Variants in NEO1 observed in about 807,000 individuals in gnomAD.
The protein encoded by NEO1 is neogenin 1, also known as neogenin.
In NEO1, 63 loss-of-function variants were observed where a neutral mutation model predicts 159.7. That is an observed-to-expected ratio of 0.39 (90% CI 0.32 to 0.49). The LOEUF (loss-of-function observed/expected upper bound fraction) is 0.49. Among genes scored for constraint, NEO1 ranks in the 20% least tolerant of loss-of-function variants. The probability of loss-of-function intolerance (pLI) is 0.85; values close to 1 mark genes in which losing one functional copy is unlikely to be tolerated. For synonymous variants in NEO1, 633 were observed against 662.0 expected (o/e 0.96, Z 0.67); for missense variants, 1,615 against 1,831.0 (o/e 0.88, Z 2.15).
At chr15:73,292,600 A>G (rs2151145107) in intron 25 of NEO1, among the ~76,000 whole-genome samples, 1 of 152,354 alleles carries the variant, frequency 6.6e-6, no homozygotes, top group African/African-American at 2.4e-5. Context: ...AGAAAGTAGT[A>G]TGTGAAATCT....
chr15:73,115,801 A>G (rs1226322621), intron 1 of NEO1, among the ~76,000 whole-genome samples: 1 of 152,214 alleles, frequency 6.6e-6, no homozygotes, highest in East Asian at 1.9e-4. Flanking sequence ...CAAAGAACTG[A>G]CAGGGACTTA....
chr15:73,278,132 C>G lies in NEO1; in HGVS notation c.3195C>G (p.Ala1065=). The change falls in exon 22 of 29, where the codon GCC becomes GCG. Residue 1065 remains alanine (A), a splice_region_variant and synonymous_variant. Coordinates refer to ENST00000261908, the MANE Select transcript of NEO1 (RefSeq NM_002499.4). ...DSSDKMPNDQ[A]SGSGGKGSRL... ...TTGACATGATTTCTTCTCCTTTAGC[C>G]TCAGGGTCTGGAGGGAAAGGAAGCC... 6.2e-7 allele frequency: 1 copy of G among 1,611,484 alleles called. No homozygotes were observed. Among genetic ancestry groups the G allele is most frequent in the Non-Finnish European group, 8.5e-7 (1 of 1,177,976 alleles).
chr15:73,286,362 T>G (rs2041948624), intron 23 of NEO1, among the ~76,000 whole-genome samples: 1 of 152,260 alleles, frequency 6.6e-6, no homozygotes, highest in South Asian at 2.1e-4. Context: ...AAACATTTTC[T>G]TCTTTTGTAT....
chr15:73,076,454 A>G (rs2151349551), intron 1 of NEO1, among the ~76,000 whole-genome samples: 1 of 152,264 alleles, frequency 6.6e-6, no homozygotes, highest in East Asian at 1.9e-4. Context: ...AATGAATGCT[A>G]CTTACTATTT....
In NEO1 at chr15:73,295,142, ATG is replaced by A. The variant is rs1219391399; in HGVS notation, c.3901+1596_3901+1597del. Among the ~76,000 whole-genome samples, 13 of 143,506 alleles carry A rather than the reference ATG, an allele frequency of 9.1e-5. 1 individual carries two copies. Among genetic ancestry groups the A allele is most frequent in the East Asian group, 6.4e-4 (3 of 4,672 alleles). 94.1% of individuals were successfully genotyped at this position (143,506 alleles called of 152,430 possible). On this transcript the variant is annotated intron_variant, in intron 26 of 28. Transcript: ENST00000261908. ...AAATATTAAATATATATATATATAT[ATG>A]TAAAAATTTGGCCTTTCTACTATCT...
chr15:73,226,510 A>G lies in NEO1; in HGVS notation c.1292-9837A>G, dbSNP rs559166138. ...TAGGTTAACAAACAGAAGAGGTGCT[A>G]GGAGTCATTAACATACTAATATGCA... On this transcript the variant is annotated intron_variant, in intron 7 of 28. Coordinates refer to ENST00000261908, the MANE Select transcript of NEO1 (RefSeq NM_002499.4). Among the ~76,000 whole-genome samples, 3 of 152,336 alleles carry G rather than the reference A, an allele frequency of 2.0e-5. No homozygotes were observed. The South Asian group carries it at 6.2e-4, about 32-fold the overall frequency.
chr15:73,249,285 C>T, intron 10 of NEO1, 77 bp downstream of exon 10: 2 of 1,461,494 alleles, frequency 1.4e-6, no homozygotes, highest in Non-Finnish European at 1.9e-6. Flanking sequence ...TCAGTAGTTG[C>T]TTGACTGGAA....
At chr15:73,051,964 G>C (rs2033380494), upstream of NEO1, 2 of 152,306 alleles carry the variant, frequency 1.3e-5, no homozygotes, top group South Asian at 4.1e-4. Context: ...CTCGCCCTCA[G>C]GTCTCTGCAG....
chr15:73,054,522 G>T (rs2067611230), intron 1 of NEO1, among the ~76,000 whole-genome samples: 1 of 152,154 alleles, frequency 6.6e-6, no homozygotes, highest in Non-Finnish European at 1.5e-5. Context: ...AAGTAATTGT[G>T]ATAAGCACTA....
At chr15:73,247,888 A>G (rs1029205069) in intron 9 of NEO1, among the ~76,000 whole-genome samples, 3 of 152,190 alleles carry the variant, frequency 2.0e-5, no homozygotes, top group African/African-American at 7.2e-5. Context: ...AGCCAGCTAG[A>G]CACTTAAGCA....
intron 1 of NEO1, among the ~76,000 whole-genome samples, chr15:73,116,318 A>G (rs1208165705): frequency 6.6e-6 from 1 of 152,152 alleles, no homozygotes; most frequent in East Asian, 1.9e-4. Flanking sequence ...TCTCAGGTAG[A>G]AGGTTTTTTT....
intron 1 of NEO1, among the ~76,000 whole-genome samples, chr15:73,100,078 A>G (rs1161650851): frequency 6.6e-6 from 1 of 152,076 alleles, no homozygotes; most frequent in Non-Finnish European, 1.5e-5. Flanking sequence ...TTGCATTCTC[A>G]ATAGCATTTT....
rs2151176432 is a variant in NEO1 at position 73,298,341 on chromosome 15, G to T, written c.3902-7G>T. 1 of 1,613,384 alleles carries T rather than the reference G, an allele frequency of 6.2e-7. No homozygotes were observed. The highest frequency in any genetic ancestry group is 1.7e-4 in the Middle Eastern group (1 of 6,060). On this transcript the variant is annotated splice_region_variant and splice_polypyrimidine_tract_variant and intron_variant, in intron 26 of 28. Transcript: ENST00000261908. ...GAAATGCTAACATTTAGACTTTCCT[G>T]CTGTAGAATCCGTTCGAAATACCCC...
intron 16 of NEO1, among the ~76,000 whole-genome samples, chr15:73,268,672 C>T (rs1361593272): frequency 1.3e-5 from 2 of 152,162 alleles, no homozygotes; most frequent in Non-Finnish European, 2.9e-5. Flanking sequence ...ATGTGAGAAA[C>T]CCATTGTAAA....
intron 22 of NEO1, among the ~76,000 whole-genome samples, chr15:73,280,870 G>A (rs1414939594): frequency 1.3e-5 from 2 of 152,016 alleles, no homozygotes; most frequent in Non-Finnish European, 2.9e-5. Context: ...TTAATCCGGC[G>A]TTGTGGAAGG....
At chr15:73,141,217 T>G (rs1362055479) in intron 5 of NEO1, among the ~76,000 whole-genome samples, 1 of 152,248 alleles carries the variant, frequency 6.6e-6, no homozygotes, top group Non-Finnish European at 1.5e-5. Context: ...GTTGGAGAGA[T>G]ATATATAAAT....
At chr15:73,250,403 AC>A (rs1014032913) in intron 11 of NEO1, among the ~76,000 whole-genome samples, 27 of 152,194 alleles carry the variant, frequency 1.8e-4, no homozygotes, top group African/African-American at 6.0e-4. Context: ...TTTTAAAAAA[AC>A]GTATTTATGT....
chr15:73,260,629 C>T (rs898149864), intron 15 of NEO1, among the ~76,000 whole-genome samples, 164 bp downstream of exon 15: 2 of 152,128 alleles, frequency 1.3e-5, no homozygotes, highest in African/African-American at 4.8e-5. Context: ...ACCACATTTA[C>T]AGCTATATTT....
intron 1 of NEO1, among the ~76,000 whole-genome samples, chr15:73,066,179 G>A (rs1181852117): frequency 6.6e-6 from 1 of 151,062 alleles, no homozygotes; most frequent in African/African-American, 2.4e-5. Flanking sequence ...CACCATGCCC[G>A]GCTAATTTTC....
Sources: allele counts gnomAD v4.1 joint callset (sites outside exome capture counted in the v4.1 genomes callset), GRCh38; gene constraint gnomAD v4.1.1; transcripts MANE v1.5; gene names NCBI Gene and HGNC (gene_info 2026-07-23, HGNC 2026-07-21).